The following NELL1 variants were observed in gnomAD, a reference collection of about 807,000 sequenced individuals.
NELL1 encodes neural EGFL like 1, also known as protein kinase C-binding protein NELL1.
A neutral mutation model predicts 107.4 loss-of-function variants in NELL1; 76 were observed. That is an observed-to-expected ratio of 0.71 (90% confidence interval 0.59 to 0.86). The LOEUF (loss-of-function observed/expected upper bound fraction) is 0.86. NELL1 is among the 40% of genes least tolerant of loss of function. The pLI is 0.00. For synonymous variants in NELL1, 353 were observed against 341.2 expected, an observed-to-expected ratio of 1.03 and a Z score of -0.38; for missense variants, 1,024 against 1,005.5, an observed-to-expected ratio of 1.02 and a Z score of -0.25.
At chr11:21,572,606 A>C (rs1213412158) in intron 18 of NELL1, among the ~76,000 whole-genome samples, 1 of 151,828 alleles carries the variant, frequency 6.6e-6, no homozygotes, top group Non-Finnish European at 1.5e-5. Flanking sequence ...GACACACAAA[A>C]GCTCCATTTG....
At chr11:21,486,310 C>T (rs1854630891) in intron 15 of NELL1, among the ~76,000 whole-genome samples, 1 of 152,146 alleles carries the variant, frequency 6.6e-6, no homozygotes, top group Non-Finnish European at 1.5e-5. Flanking sequence ...CAAAACTTCA[C>T]CACAGCCTCC....
intron 2 of NELL1, among the ~76,000 whole-genome samples, chr11:20,737,168 G>A (rs1855781215): frequency 6.6e-6 from 1 of 151,734 alleles, no homozygotes; most frequent in South Asian, 2.1e-4. Context: ...TCATTCTAGA[G>A]CTCACATAGG....
intron 12 of NELL1, among the ~76,000 whole-genome samples, chr11:20,971,474 C>T (rs1468050094): frequency 6.6e-6 from 1 of 151,988 alleles, no homozygotes; most frequent in Admixed American, 6.6e-5. Context: ...AAAATAATAC[C>T]TTTCAACTAT....
intron 15 of NELL1, among the ~76,000 whole-genome samples, chr11:21,413,354 G>A (rs186115486): frequency 1.3e-4 from 19 of 151,774 alleles, no homozygotes; most frequent in South Asian, 4.2e-4. Context: ...TGCTGGGGGT[G>A]GGGGGGAGAT....
At chr11:20,808,591 C>T (rs1194616990) in intron 3 of NELL1, among the ~76,000 whole-genome samples, 9 of 152,192 alleles carry the variant, frequency 5.9e-5, no homozygotes, top group Non-Finnish European at 7.3e-5. Context: ...GACTTGCCTA[C>T]GAGTTGCAGT....
At chr11:21,338,918 T>A (rs191506637) in intron 14 of NELL1, among the ~76,000 whole-genome samples, 75 of 152,292 alleles carry the variant, frequency 4.9e-4, no homozygotes, top group African/African-American at 1.8e-3. Context: ...GTTCTATGCA[T>A]TTTTATGGAG....
intron 3 of NELL1, among the ~76,000 whole-genome samples, chr11:20,841,436 T>C (rs2134049907): frequency 6.6e-6 from 1 of 151,938 alleles, no homozygotes; most frequent in South Asian, 2.1e-4. Flanking sequence ...GGTATAGATA[T>C]TGGCTACATC....
At chr11:21,082,935 T>C (rs1395807576) in intron 12 of NELL1, among the ~76,000 whole-genome samples, 1 of 152,234 alleles carries the variant, frequency 6.6e-6, no homozygotes, top group Admixed American at 6.5e-5. Flanking sequence ...TCCTGTAGCC[T>C]GACTTTTAGT....
chr11:21,498,096 A>C (rs1366939856), intron 15 of NELL1, among the ~76,000 whole-genome samples: 1 of 151,868 alleles, frequency 6.6e-6, no homozygotes, highest in African/African-American at 2.4e-5. Flanking sequence ...AGATGCCTTT[A>C]CACTAGAATT....
chr11:21,517,348 C>G (rs998183368), intron 15 of NELL1, among the ~76,000 whole-genome samples: 1 of 152,114 alleles, frequency 6.6e-6, no homozygotes, highest in African/African-American at 2.4e-5. Context: ...AACCTTGTAA[C>G]CAATTAGACA....
intron 14 of NELL1, among the ~76,000 whole-genome samples, chr11:21,261,546 G>T (rs907415418): frequency 1.3e-5 from 2 of 151,766 alleles, no homozygotes; most frequent in South Asian, 4.1e-4. Context: ...AAAACTCTGT[G>T]AGGAAGATAC....
intron 4 of NELL1, among the ~76,000 whole-genome samples, chr11:20,855,879 AAAAC>A (rs1388248984): frequency 6.6e-6 from 1 of 152,256 alleles, no homozygotes; most frequent in Non-Finnish European, 1.5e-5. Context: ...TGAAAAAACA[AAAAC>A]AAAAACAAAA....
intron 3 of NELL1, among the ~76,000 whole-genome samples, chr11:20,846,543 GT>G (rs1177462791): frequency 2.0e-5 from 3 of 152,154 alleles, no homozygotes; most frequent in Non-Finnish European, 4.4e-5. Context: ...TTAGTGCCTG[GT>G]GAGGCTATCC....
At chr11:21,471,804 A>C (rs935880955) in intron 15 of NELL1, among the ~76,000 whole-genome samples, 5 of 152,102 alleles carry the variant, frequency 3.3e-5, no homozygotes, top group African/African-American at 1.2e-4. Flanking sequence ...GAACAAATAC[A>C]TGCACATACA....
At chr11:21,074,213 C>T (rs774899439) in intron 12 of NELL1, among the ~76,000 whole-genome samples, 3 of 152,120 alleles carry the variant, frequency 2.0e-5, no homozygotes, top group Non-Finnish European at 4.4e-5. Flanking sequence ...TGAGTACCCT[C>T]CCAGACCTAC....
chr11:21,574,526 A>T (rs1857177074), intron 19 of NELL1, among the ~76,000 whole-genome samples: 1 of 151,816 alleles, frequency 6.6e-6, no homozygotes, highest in South Asian at 2.1e-4. Context: ...ACCATGAGAG[A>T]TTTTATGCAA....
At chr11:21,453,651 G>C (rs981246494) in intron 15 of NELL1, among the ~76,000 whole-genome samples, 4 of 151,730 alleles carry the variant, frequency 2.6e-5, no homozygotes, top group African/African-American at 4.8e-5. Flanking sequence ...ATATAGTTGG[G>C]TTTAAATCTA....
At chr11:21,431,002 GA>G (rs1415846551) in intron 15 of NELL1, among the ~76,000 whole-genome samples, 2 of 151,788 alleles carry the variant, frequency 1.3e-5, no homozygotes, top group East Asian at 1.9e-4. Context: ...ACTGTACAAA[GA>G]AAAAAAATCT....
chr11:20,720,202 G>GTTTTTTTTT (rs72275946), intron 2 of NELL1, among the ~76,000 whole-genome samples: 7 of 141,058 alleles, frequency 5.0e-5, no homozygotes, highest in Non-Finnish European at 6.0e-5. Context: ...GTTCATTCCT[G>GTTTTTTTTT]TTTTTTTTTT....
Sources: allele counts gnomAD v4.1 joint callset (sites outside exome capture counted in the v4.1 genomes callset), GRCh38; gene constraint gnomAD v4.1.1; transcripts MANE v1.5; gene names NCBI Gene and HGNC (gene_info 2026-07-23, HGNC 2026-07-21).